ARID3B: variants seen among roughly 807,000 people sequenced by gnomAD.
The protein encoded by ARID3B is AT-rich interaction domain 3B, also known as AT-rich interactive domain-containing protein 3B.
Under a neutral mutation model 51.9 loss-of-function variants are expected in ARID3B, and 10 were observed. The ratio of observed to expected loss-of-function variants is 0.19; its 90% CI spans 0.12 to 0.33. The LOEUF (loss-of-function observed/expected upper bound fraction) is 0.33, where lower values mean the gene tolerates loss of function less well. ARID3B is among the 10% of genes least tolerant of loss of function. The probability of loss-of-function intolerance (pLI) is 1.00; values close to 1 mark genes in which losing one functional copy is unlikely to be tolerated. For missense variants in ARID3B, 483 were observed against 716.3 expected, an observed-to-expected ratio of 0.67 and a Z score of 3.72; for synonymous variants, 205 against 279.5, an observed-to-expected ratio of 0.73 and a Z score of 2.66.
chr15:74,562,307 A>G (rs1275700996), intron 2 of ARID3B, among the ~76,000 whole-genome samples: 1 of 151,606 alleles, frequency 6.6e-6, no homozygotes, highest in African/African-American at 2.4e-5. Context: ...ACACCCAGCT[A>G]ATTTTGTATT....
rs71137395 is a variant in ARID3B at position 74,570,462 on chromosome 15, C to CAAAAAA, written c.553-2370_553-2365dup. Among the ~76,000 whole-genome samples the CAAAAAA allele has an allele frequency of 1.5e-3, 95 of 64,608 alleles. 17 individuals carry two copies. The highest frequency in any genetic ancestry group is 2.6e-3 in the Non-Finnish European group (79 of 30,482). The allele number at this position is 64,608 out of a possible 152,430, so 42.4% of individuals were successfully genotyped here. On this transcript the variant is annotated intron_variant, in intron 2 of 8. Coordinates refer to ENST00000346246, the MANE Select transcript of ARID3B (RefSeq NM_006465.4). ...AGTGCTTGGAAGTTACTATAATTAG[C>CAAAAAA]AAAAAAAAAAAAAAAAAAAAAAAAA...
At chr15:74,545,776 A>C (rs1328594174) in intron 2 of ARID3B, among the ~76,000 whole-genome samples, 1 of 152,234 alleles carries the variant, frequency 6.6e-6, no homozygotes, top group Non-Finnish European at 1.5e-5. Context: ...TCTGTACAGT[A>C]GATCTGAGTT....
chr15:74,572,486 G>A (rs754938765), intron 2 of ARID3B, among the ~76,000 whole-genome samples: 6 of 152,206 alleles, frequency 3.9e-5, no homozygotes, highest in African/African-American at 7.2e-5. Context: ...GCAGGAAAGT[G>A]GTGCATCTCA....
At chr15:74,581,993 G>A (rs2141473226) in intron 4 of ARID3B, among the ~76,000 whole-genome samples, 1 of 152,294 alleles carries the variant, frequency 6.6e-6, no homozygotes, top group African/African-American at 2.4e-5. Flanking sequence ...AGACAGCCGT[G>A]CACTGCTCAG....
intron 4 of ARID3B, 153 bp downstream of exon 4, chr15:74,573,357 C>G: frequency 1.3e-6 from 1 of 778,536 alleles, no homozygotes; most frequent in East Asian, 2.5e-5. Flanking sequence ...AGCCAATTAA[C>G]CGATAGCCAG....
At chr15:74,566,602 CAAA>C (rs75577936) in intron 2 of ARID3B, among the ~76,000 whole-genome samples, 6 of 94,010 alleles carry the variant, frequency 6.4e-5, no homozygotes, top group African/African-American at 7.5e-5. Flanking sequence ...GACTCTGTCT[CAAA>C]AAAAAAAAAA....
At chr15:74,545,343 G>A (rs1349552804) in intron 2 of ARID3B, among the ~76,000 whole-genome samples, 1 of 152,166 alleles carries the variant, frequency 6.6e-6, no homozygotes, top group South Asian at 2.1e-4. Flanking sequence ...ACAGGGAAGG[G>A]TAGACCTCAA....
intron 4 of ARID3B, among the ~76,000 whole-genome samples, chr15:74,575,761 T>G (rs1259804242): frequency 6.6e-6 from 1 of 152,238 alleles, no homozygotes; most frequent in Non-Finnish European, 1.5e-5. Context: ...GGTATTTCAC[T>G]GTTTGCTGGC....
At chr15:74,578,723 C>CA (rs758379086) in intron 4 of ARID3B, among the ~76,000 whole-genome samples, 24 of 151,650 alleles carry the variant, frequency 1.6e-4, no homozygotes, top group East Asian at 1.2e-3. Flanking sequence ...CCTGTCTCTA[C>CA]AAAAAAAACA....
At chr15:74,564,377 A>G (rs1477603863) in intron 2 of ARID3B, among the ~76,000 whole-genome samples, 1 of 152,228 alleles carries the variant, frequency 6.6e-6, no homozygotes, top group African/African-American at 2.4e-5. Context: ...TGGATTTTTA[A>G]CATTACATCA....
chr15:74,543,075 G>A (rs962284972), intron 1 of ARID3B, among the ~76,000 whole-genome samples: 1 of 152,212 alleles, frequency 6.6e-6, no homozygotes, highest in Non-Finnish European at 1.5e-5. Context: ...TTCAGACAAT[G>A]TTGATATCTG....
chr15:74,571,162 G>GC (rs2061717810), intron 2 of ARID3B, among the ~76,000 whole-genome samples: 1 of 152,182 alleles, frequency 6.6e-6, no homozygotes, highest in Non-Finnish European at 1.5e-5. Context: ...TCATCTCAGA[G>GC]CCCACTGTGA....
chr15:74,544,330 C>A lies in ARID3B; in HGVS notation c.394C>A (p.Pro132Thr). 1 of 1,611,972 alleles carries A rather than the reference C, an allele frequency of 6.2e-7. No individual in the cohort carries two copies. Among genetic ancestry groups the A allele is most frequent in the Non-Finnish European group, 8.5e-7 (1 of 1,178,840 alleles). The change falls in exon 2 of 9, where the codon CCC becomes ACC. Residue 132 changes from proline (P) to threonine (T), a missense_variant. Pro to Thr is a conservative substitution (Grantham distance 38). Transcript: ENST00000346246. ...TGTGCAGAAAGTAGCTCGCCAAGAT[C>A]CCAGAGTGGCACCCATGTCCAATCT... ...FHVQKVARQD[P>T]RVAPMSNLLP... is the part of the protein sequence containing the mutation.
intron 2 of ARID3B, among the ~76,000 whole-genome samples, chr15:74,558,891 C>T (rs899662902): frequency 6.6e-6 from 1 of 152,072 alleles, no homozygotes; most frequent in East Asian, 1.9e-4. Flanking sequence ...AAGTTTAGCT[C>T]GTTGCATTGG....
chr15:74,560,450 T>C (rs1181607037), intron 2 of ARID3B, among the ~76,000 whole-genome samples: 1 of 152,200 alleles, frequency 6.6e-6, no homozygotes, highest in Non-Finnish European at 1.5e-5. Flanking sequence ...TTTTGTCTGT[T>C]CTACATATTG....
At chr15:74,582,145 C>T (rs200228824) in intron 4 of ARID3B, among the ~76,000 whole-genome samples, 15 of 152,156 alleles carry the variant, frequency 9.9e-5, no homozygotes, top group Middle Eastern at 3.4e-3. Context: ...CCAGTTTCTC[C>T]GAATGCAGTT....
At chr15:74,552,940 G>A (rs2061643502) in intron 2 of ARID3B, among the ~76,000 whole-genome samples, 1 of 151,996 alleles carries the variant, frequency 6.6e-6, no homozygotes, top group Admixed American at 6.6e-5. Flanking sequence ...GTTTATCTGG[G>A]TAAATACCAA....
At chr15:74,556,661 GTTA>G (rs1355227789) in intron 2 of ARID3B, among the ~76,000 whole-genome samples, 8 of 151,522 alleles carry the variant, frequency 5.3e-5, no homozygotes, top group Admixed American at 2.0e-4. Context: ...TCCCCTCACA[GTTA>G]TTATTTATTT....
At chr15:74,593,008 A>C in intron 7 of ARID3B, 130 bp from the exon 8 acceptor site, 1 of 693,086 alleles carries the variant, frequency 1.4e-6, no homozygotes, top group Non-Finnish European at 2.4e-6. Context: ...CCCTACACTC[A>C]GGAGAAGGTT....
Sources: allele counts gnomAD v4.1 joint callset (sites outside exome capture counted in the v4.1 genomes callset), GRCh38; gene constraint gnomAD v4.1.1; transcripts MANE v1.5; gene names NCBI Gene and HGNC (gene_info 2026-07-23, HGNC 2026-07-21).